RCC1L: variants seen among roughly 807,000 people sequenced by gnomAD.
The protein encoded by RCC1L is RCC1 like, also known as RCC1-like G exchanging factor-like protein.
A neutral mutation model predicts 58.6 loss-of-function variants in RCC1L; 46 were observed. That is an observed-to-expected ratio of 0.79 (90% CI 0.62 to 1.00). The LOEUF (loss-of-function observed/expected upper bound fraction) is 1.00. Among genes scored for constraint, RCC1L ranks in the 50% least tolerant of loss-of-function variants. RCC1L has a pLI of 0.00. For synonymous variants in RCC1L, 281 were observed against 262.9 expected (o/e 1.07, Z -0.67); for missense variants, 636 against 623.6 (o/e 1.02, Z -0.21).
chr7:75,056,084 A>G lies in RCC1L; in HGVS notation c.1058-10T>C. 2 of 1,613,976 alleles carry G rather than the reference A, an allele frequency of 1.2e-6. No individual in the cohort carries two copies. The highest frequency in any genetic ancestry group is 1.7e-6 in the Non-Finnish European group (2 of 1,179,860). ...AAAACATGTCCTTCTCCTACATTAC[A>G]GTAAAAACAAGGGTCAGTAAGTCCA... is the stretch of plus-strand genomic sequence containing the variant. On this transcript the variant is annotated splice_polypyrimidine_tract_variant and intron_variant, in intron 8 of 10. Coordinates refer to ENST00000610322, the MANE Select transcript of RCC1L (RefSeq NM_030798.5).
chr7:75,072,541 T>C (rs1318080557), intron 1 of RCC1L, among the ~76,000 whole-genome samples: 1 of 152,136 alleles, frequency 6.6e-6, no homozygotes, highest in East Asian at 1.9e-4. Flanking sequence ...CTACAGCTAC[T>C]GTGAATTTAA....
chr7:75,027,833 C>G, exon 11 of RCC1L: 1 of 658,278 alleles, frequency 1.5e-6, no homozygotes, highest in South Asian at 1.7e-5. Context: ...CTCCACAGCT[C>G]TTCGGGGTGG....
chr7:75,033,820 T>G (rs1805372708), intron 10 of RCC1L, among the ~76,000 whole-genome samples: 1 of 152,050 alleles, frequency 6.6e-6, no homozygotes, highest in Non-Finnish European at 1.5e-5. Flanking sequence ...ATGACACCAC[T>G]GCACTCCAGC....
At chr7:75,057,896 G>A (rs1323254764) in intron 7 of RCC1L, 23 of 430,990 alleles carry the variant, frequency 5.3e-5, no homozygotes, top group South Asian at 2.4e-4. Flanking sequence ...GGTGGCTCAC[G>A]CCTGTAATCC....
chr7:75,038,143 G>T (rs984102468), downstream of RCC1L, among the ~76,000 whole-genome samples: 3,908 of 152,294 alleles, frequency 0.026, 93 homozygotes, highest in South Asian at 0.066. Flanking sequence ...GGCCAGTGCC[G>T]GGTGCTGCCC....
downstream of RCC1L, among the ~76,000 whole-genome samples, chr7:75,038,386 G>C (rs994881759): frequency 8.6e-5 from 13 of 151,610 alleles, no homozygotes; most frequent in Non-Finnish European, 1.9e-4. Context: ...TGAGTAGCTG[G>C]GATTCCAGGC....
chr7:75,027,652 G>A (rs1317078483), exon 11 of RCC1L: 3 of 280,386 alleles, frequency 1.1e-5, no homozygotes, highest in East Asian at 1.1e-4. Context: ...CTCCGCCCTG[G>A]CTGGCTCTGC....
In RCC1L at chr7:75,070,717, G is replaced by A. The variant is rs781822837; in HGVS notation, c.377C>T (p.Ala126Val). Residue 126 changes from alanine (A) to valine (V), a missense_variant, in exon 2 of 11, where the codon GCG becomes GTG. Physicochemically the swap from Ala to Val is moderately conservative, Grantham distance 64 (BLOSUM62 0). Coordinates refer to ENST00000610322, the MANE Select transcript of RCC1L (RefSeq NM_030798.5). ...YGFTLLSSKT[A>V]DVTKVWGMGL... The stretch of plus-strand genomic sequence containing the variant: ...CATCCCCCAGACTTTCGTAACATCC[G>A]CAGTCTTAGAGGACAGCAGTGTGAA... The A allele has an allele frequency of 3.7e-6, 6 of 1,613,904 alleles. No homozygotes were observed. The highest frequency in any genetic ancestry group is 2.7e-5 in the African/African-American group (2 of 74,892).
At position 75,065,207 on chromosome 7, in the gene RCC1L, A is replaced by G. The variant is rs587755275; in HGVS notation, c.584-559T>C. Reference sequence around the variant, plus strand: ...TTTTAATTAAAAAAAAAAAAAAAGAAAGAGCTCCTAAATGCCACCTCCGCC... The same window carrying G: ...TTTTAATTAAAAAAAAAAAAAAAGAGAGAGCTCCTAAATGCCACCTCCGCC... On this transcript the variant is annotated intron_variant, in intron 3 of 10. Transcript: ENST00000610322. Among the ~76,000 whole-genome samples the G allele has an allele frequency of 5.2e-3, 797 of 152,118 alleles. 5 individuals carry two copies. Among genetic ancestry groups the G allele is most frequent in the South Asian group, 0.011 (55 of 4,828 alleles).
At chr7:75,067,624 C>T (rs1806546309) in intron 2 of RCC1L, among the ~76,000 whole-genome samples, 1 of 148,928 alleles carries the variant, frequency 6.7e-6, no homozygotes, top group African/African-American at 2.6e-5. Flanking sequence ...CAGAGCGAGA[C>T]ACTGTTTTAA....
At chr7:75,052,826 GGGACT>G in intron 9 of RCC1L, 30 bp from the exon 10 acceptor site, 2 of 1,597,812 alleles carry the variant, frequency 1.3e-6, no homozygotes, top group Non-Finnish European at 1.7e-6. Flanking sequence ...GGGGTTGGTT[GGGACT>G]GTGTGAAGAA....
At chr7:75,044,357 T>C (rs1805654106) in intron 10 of RCC1L, among the ~76,000 whole-genome samples, 2 of 152,050 alleles carry the variant, frequency 1.3e-5, no homozygotes, top group Admixed American at 6.6e-5. Context: ...TCCCAGCACT[T>C]TGGGAGGCTG....
chr7:75,048,808 C>T (rs1805824232), intron 10 of RCC1L, among the ~76,000 whole-genome samples: 1 of 152,266 alleles, frequency 6.6e-6, no homozygotes, highest in African/African-American at 2.4e-5. Flanking sequence ...CTTCTCTCCA[C>T]ACCAGCTTCA....
At position 75,057,578 on chromosome 7, in the gene RCC1L, C is replaced by T. The variant is rs955689446; in HGVS notation, c.1008G>A (p.Gly336=). The T allele has an allele frequency of 2.5e-5, 41 of 1,613,954 alleles. No individual in the cohort carries two copies. The African/African-American group carries it at 4.7e-4, about 18-fold the overall frequency. Residue 336 remains glycine, a synonymous_variant, in exon 8 of 11, where the codon GGG becomes GGA. Coordinates refer to ENST00000610322, the MANE Select transcript of RCC1L (RefSeq NM_030798.5). ...CACCGCATGCAGCCTGTCGCACCTT[C>T]CCCACTCCTGAGAAGTGTAAGCAGC... ...VPRCLHFSGV[G]KVRQAACGGT...
At chr7:75,039,095 C>T (rs1707821730), downstream of RCC1L, among the ~76,000 whole-genome samples, 1 of 152,346 alleles carries the variant, frequency 6.6e-6, no homozygotes, top group South Asian at 2.1e-4. Flanking sequence ...CTGTCTCGGA[C>T]CCCCGAAGTG....
chr7:75,063,459 T>C, intron 4 of RCC1L, 116 bp from the exon 5 acceptor site: 1 of 1,091,798 alleles, frequency 9.2e-7, no homozygotes, highest in Non-Finnish European at 1.4e-6. Context: ...ACAGTAACTG[T>C]TGGGGTAACT....
Position 75,070,540 on chromosome 7 carries a change from T to A in RCC1L, c.454+100A>T. ...GAGCCAGGATCTCGCCACTGCACTC[T>A]AGCCTGGCAACAGACTGAGACTCTG... On this transcript the variant is annotated intron_variant, in intron 2 of 10. Transcript: ENST00000610322. 4 of 1,491,846 alleles carry A rather than the reference T, an allele frequency of 2.7e-6. No homozygotes were observed. The South Asian group carries it at 5.2e-5, about 19-fold the overall frequency. The allele number at this position is 1,491,846 out of a possible 1,614,324, so 92.4% of individuals were successfully genotyped here.
At chr7:75,032,285 T>A (rs1805324304) in intron 10 of RCC1L, among the ~76,000 whole-genome samples, 1 of 152,124 alleles carries the variant, frequency 6.6e-6, no homozygotes, top group Non-Finnish European at 1.5e-5. Flanking sequence ...GGTCAGGGGC[T>A]GGTTGCCTGG....
At chr7:75,062,389 T>C (rs2132001075) in intron 5 of RCC1L, among the ~76,000 whole-genome samples, 1 of 152,132 alleles carries the variant, frequency 6.6e-6, no homozygotes, top group East Asian at 1.9e-4. Flanking sequence ...TGCACACCTG[T>C]AGACCCAGCT....
Sources: gnomAD v4.1 joint callset for allele counts (sites outside exome capture counted in the v4.1 genomes callset) on GRCh38, gnomAD v4.1.1 for gene constraint, MANE v1.5 for transcripts, NCBI Gene and HGNC (gene_info 2026-07-23, HGNC 2026-07-21) for gene names.